Variants in TMTC1 observed in about 807,000 individuals in gnomAD.
TMTC1 encodes the protein protein O-mannosyl-transferase TMTC1.
Under a neutral mutation model 104.8 loss-of-function variants are expected in TMTC1, and 73 were observed. That is an observed-to-expected ratio of 0.70 (90% CI 0.58 to 0.85). The LOEUF is 0.85. Ranked by LOEUF, TMTC1 falls within the 40% of genes least tolerant of loss-of-function variation. The pLI is 0.00. For missense variants in TMTC1, 1,035 were observed against 1,096.1 expected (o/e 0.94, Z 0.79); for synonymous variants, 434 against 428.7 (o/e 1.01, Z -0.15).
intron 6 of TMTC1, among the ~76,000 whole-genome samples, chr12:29,623,363 C>T (rs988105649): frequency 6.6e-5 from 10 of 152,176 alleles, no homozygotes; most frequent in African/African-American, 2.4e-4. Flanking sequence ...AAGTAAAATA[C>T]AAATGCATTA....
intron 5 of TMTC1, among the ~76,000 whole-genome samples, chr12:29,699,343 A>C (rs971661586): frequency 6.6e-6 from 1 of 152,208 alleles, no homozygotes; most frequent in African/African-American, 2.4e-5. Flanking sequence ...TCTATAACAT[A>C]AAAATGAGAA....
chr12:29,607,378 G>A (rs938545435), intron 6 of TMTC1, among the ~76,000 whole-genome samples: 2 of 152,172 alleles, frequency 1.3e-5, no homozygotes, highest in Admixed American at 6.5e-5. Flanking sequence ...GTATCAGGCA[G>A]GATACAGAGG....
At chr12:29,722,912 C>T (rs191400228) in intron 5 of TMTC1, among the ~76,000 whole-genome samples, 1,261 of 116,528 alleles carry the variant, frequency 0.011, 6 homozygotes, top group Non-Finnish European at 0.015. Context: ...CAGAGCAAGA[C>T]TCTGTCTCAA....
chr12:29,705,535 G>T (rs753033226), intron 5 of TMTC1, among the ~76,000 whole-genome samples: 2 of 151,824 alleles, frequency 1.3e-5, no homozygotes, highest in African/African-American at 2.4e-5. Flanking sequence ...ACTGAAATCT[G>T]CACAGCAAAT....
At position 29,642,310 on chromosome 12, in the gene TMTC1, G is replaced by A. The variant is rs115882522; in HGVS notation, c.939-8974C>T. ...TCATCAGGTTATCCAAAGTTAAGGCGAAGAAAAGAATCTTAGGAGCTGTGA... is the reference window on the plus strand; with the variant it reads ...TCATCAGGTTATCCAAAGTTAAGGCAAAGAAAAGAATCTTAGGAGCTGTGA... On this transcript the variant is annotated intron_variant, in intron 5 of 17. Transcript: ENST00000539277. 7.2e-3 allele frequency among the ~76,000 whole-genome samples: 1,092 copies of A among 152,228 alleles called. 15 individuals carry two copies. Among genetic ancestry groups the A allele is most frequent in the African/African-American group, 0.024 (997 of 41,526 alleles).
chr12:29,728,141 A>G (rs1254649162), intron 5 of TMTC1, among the ~76,000 whole-genome samples: 1 of 152,214 alleles, frequency 6.6e-6, no homozygotes, highest in Non-Finnish European at 1.5e-5. Context: ...TAGTATCTTA[A>G]GCATCAGGCT....
At chr12:29,608,578 G>T (rs915332371) in intron 6 of TMTC1, among the ~76,000 whole-genome samples, 2 of 152,146 alleles carry the variant, frequency 1.3e-5, no homozygotes, top group African/African-American at 4.8e-5. Context: ...CAAAAGAAAA[G>T]GAATTGATAC....
chr12:29,523,907 T>C (rs1220929583), intron 11 of TMTC1, among the ~76,000 whole-genome samples: 6 of 152,136 alleles, frequency 3.9e-5, no homozygotes, highest in Admixed American at 3.9e-4. Context: ...GCCTATTGTA[T>C]GAACTCAGTC....
rs190759803 is a variant in TMTC1, at chr12:29,754,892, T to C, written c.731+817A>G. Among the ~76,000 whole-genome samples, 618 of 152,268 alleles carry C rather than the reference T, an allele frequency of 4.1e-3. 3 individuals carry two copies. Among genetic ancestry groups the C allele is most frequent in the African/African-American group, 0.014 (584 of 41,554 alleles). ...TCAAGAAGTATAAAGAGGTAGGAAA[T>C]GGGATTTAAAAAGCAGGATTGTTTT... is the stretch of plus-strand genomic sequence containing the variant. On this transcript the variant is annotated intron_variant, in intron 4 of 17. Coordinates refer to ENST00000539277, the MANE Select transcript of TMTC1 (RefSeq NM_001193451.2).
At chr12:29,668,596 G>A (rs7965682) in intron 5 of TMTC1, among the ~76,000 whole-genome samples, 83,952 of 151,208 alleles carry the variant, frequency 0.56, 23,463 homozygotes, top group African/African-American at 0.63. Context: ...TAGTAGCTGG[G>A]ATTACAGGCA....
chr12:29,600,023 T>TTC lies in TMTC1; in HGVS notation c.1250+4154_1250+4155insGA, dbSNP rs1946522447. Among the ~76,000 whole-genome samples, 9 of 143,774 alleles carry TTC rather than the reference T, an allele frequency of 6.3e-5. No individual in the cohort carries two copies. In the East Asian group the frequency reaches 7.9e-4, roughly 13 times the overall value. The allele number at this position is 143,774 out of a possible 152,430, so 94.3% of individuals were successfully genotyped here. ...ATATATATATATTTTTTTTTTTTTT[T>TTC]CCCTCAAAAGAGCCTGGATACTAAT... On this transcript the variant is annotated intron_variant, in intron 7 of 17. Coordinates refer to ENST00000539277, the MANE Select transcript of TMTC1 (RefSeq NM_001193451.2).
chr12:29,701,821 C>A (rs1941602838), intron 5 of TMTC1, among the ~76,000 whole-genome samples: 1 of 152,162 alleles, frequency 6.6e-6, no homozygotes, highest in Admixed American at 6.5e-5. Flanking sequence ...TTAAATTCAT[C>A]ATGTCAATAA....
intron 3 of TMTC1, among the ~76,000 whole-genome samples, chr12:29,756,260 T>C (rs1371099288): frequency 6.6e-6 from 1 of 152,214 alleles, no homozygotes; most frequent in Non-Finnish European, 1.5e-5. Flanking sequence ...CAGCCGTCAA[T>C]TAACAGGATA....
chr12:29,602,669 T>A (rs997268867), intron 7 of TMTC1, among the ~76,000 whole-genome samples: 4 of 151,938 alleles, frequency 2.6e-5, no homozygotes, highest in African/African-American at 9.7e-5. Flanking sequence ...ATAATAAAAA[T>A]GCAATAAAAT....
chr12:29,607,222 A>G (rs1027497004), intron 6 of TMTC1, among the ~76,000 whole-genome samples: 2 of 152,132 alleles, frequency 1.3e-5, no homozygotes, highest in Non-Finnish European at 2.9e-5. Context: ...CTGGGTGTTT[A>G]CTGCCTTTAT....
intron 5 of TMTC1, among the ~76,000 whole-genome samples, chr12:29,699,649 C>CTTTTTTTT (rs71444337): frequency 1.2e-5 from 1 of 86,848 alleles, no homozygotes; most frequent in African/African-American, 4.7e-5. Context: ...TCATCTGGTG[C>CTTTTTTTT]TTTTTTTTTT....
intron 5 of TMTC1, among the ~76,000 whole-genome samples, chr12:29,735,778 G>A (rs1021789968): frequency 6.6e-6 from 1 of 152,198 alleles, no homozygotes. Context: ...CCAAGTAGGA[G>A]GTTGGGAGGG....
intron 9 of TMTC1, among the ~76,000 whole-genome samples, chr12:29,560,840 T>C (rs1945359862): frequency 6.6e-6 from 1 of 152,208 alleles, no homozygotes; most frequent in East Asian, 1.9e-4. Context: ...AATGTCAGCA[T>C]GTTAATAGGA....
At chr12:29,526,368 G>C (rs1944344117) in intron 11 of TMTC1, among the ~76,000 whole-genome samples, 2 of 152,188 alleles carry the variant, frequency 1.3e-5, no homozygotes, top group South Asian at 4.1e-4. Context: ...CAATTCAGAT[G>C]TATAGCACTG....
Sources: allele counts gnomAD v4.1 joint callset (sites outside exome capture counted in the v4.1 genomes callset), GRCh38; gene constraint gnomAD v4.1.1; transcripts MANE v1.5; gene names NCBI Gene and HGNC (gene_info 2026-07-23, HGNC 2026-07-21).